The following SGCZ variants were observed in gnomAD, a reference collection of about 807,000 sequenced individuals.
The protein encoded by SGCZ is sarcoglycan zeta.
A neutral mutation model predicts 41.3 loss-of-function variants in SGCZ; 40 were observed. The ratio of observed to expected loss-of-function variants is 0.97; its 90% CI spans 0.75 to 1.26. SGCZ has a LOEUF of 1.26. Ranked by LOEUF, SGCZ falls within the 50% of genes most tolerant of loss-of-function variation. The pLI, the probability that SGCZ is intolerant of heterozygous loss-of-function variation, is 0.00. For missense variants in SGCZ, 552 were observed against 369.8 expected (o/e 1.49, Z -4.04); for synonymous variants, 206 against 137.5 (o/e 1.50, Z -3.49).
intron 1 of SGCZ, among the ~76,000 whole-genome samples, chr8:14,568,419 T>C (rs1241893462): frequency 7.2e-6 from 1 of 139,100 alleles, no homozygotes. Flanking sequence ...ATTGATCGTT[T>C]TGAAAAAAAA....
intron 4 of SGCZ, among the ~76,000 whole-genome samples, chr8:14,187,242 G>A (rs1023790348): frequency 6.6e-6 from 1 of 152,054 alleles, no homozygotes; most frequent in African/African-American, 2.4e-5. Context: ...ATCCAGAGTT[G>A]GGATTATCCA....
intron 2 of SGCZ, among the ~76,000 whole-genome samples, chr8:14,441,945 T>G (rs754958044): frequency 6.6e-6 from 1 of 152,222 alleles, no homozygotes; most frequent in Non-Finnish European, 1.5e-5. Flanking sequence ...TTCTGACGTA[T>G]CTAAATTGTT....
At chr8:15,185,898 G>T (rs779387240) in intron 1 of SGCZ, among the ~76,000 whole-genome samples, 6 of 151,680 alleles carry the variant, frequency 4.0e-5, no homozygotes, top group African/African-American at 1.5e-4. Context: ...TTAAAGCAAA[G>T]TCCAAAATAA....
At chr8:14,414,205 CAT>C (rs1223780767) in intron 2 of SGCZ, among the ~76,000 whole-genome samples, 4 of 151,872 alleles carry the variant, frequency 2.6e-5, no homozygotes, top group African/African-American at 2.4e-5. Context: ...CACACACACA[CAT>C]ACAGACACGC....
intron 1 of SGCZ, among the ~76,000 whole-genome samples, chr8:14,835,283 C>A (rs1278651202): frequency 6.6e-6 from 1 of 152,094 alleles, no homozygotes; most frequent in Non-Finnish European, 1.5e-5. Flanking sequence ...ACTAACCTGA[C>A]CTATTATACT....
At chr8:14,219,508 G>A (rs1016649788) in intron 4 of SGCZ, among the ~76,000 whole-genome samples, 3 of 152,176 alleles carry the variant, frequency 2.0e-5, no homozygotes, top group Admixed American at 2.0e-4. Flanking sequence ...CAGCACTTTG[G>A]GAAGCGGAAG....
At chr8:14,664,077 T>G (rs1185423249) in intron 1 of SGCZ, among the ~76,000 whole-genome samples, 1 of 152,214 alleles carries the variant, frequency 6.6e-6, no homozygotes, top group Non-Finnish European at 1.5e-5. Context: ...TGTATTTTCA[T>G]GCTTAGATGT....
At chr8:14,661,271 G>A (rs910194828) in intron 1 of SGCZ, among the ~76,000 whole-genome samples, 3 of 152,032 alleles carry the variant, frequency 2.0e-5, no homozygotes, top group Admixed American at 6.6e-5. Context: ...AATATTAAGC[G>A]ATAAGCAAGA....
At chr8:14,311,460 T>C (rs1338784032) in intron 3 of SGCZ, among the ~76,000 whole-genome samples, 2 of 152,096 alleles carry the variant, frequency 1.3e-5, no homozygotes, top group East Asian at 1.9e-4. Context: ...TTTACACAGA[T>C]AGGAACACAA....
intron 2 of SGCZ, among the ~76,000 whole-genome samples, chr8:14,327,932 T>A (rs1408047396): frequency 6.6e-6 from 1 of 152,108 alleles, no homozygotes; most frequent in Non-Finnish European, 1.5e-5. Context: ...AGGTGTGCAC[T>A]GCCACGCCCA....
chr8:14,301,447 C>G (rs571571122), intron 3 of SGCZ, among the ~76,000 whole-genome samples: 1 of 151,970 alleles, frequency 6.6e-6, no homozygotes, highest in Non-Finnish European at 1.5e-5. Flanking sequence ...CTGTTTTACA[C>G]TCAGATTCAC....
At chr8:14,460,067 C>G (rs1800858739) in intron 2 of SGCZ, among the ~76,000 whole-genome samples, 1 of 152,062 alleles carries the variant, frequency 6.6e-6, no homozygotes, top group Admixed American at 6.6e-5. Context: ...TGGTCAACAG[C>G]ATAGTACCTA....
chr8:14,980,689 T>C (rs942028301), intron 1 of SGCZ, among the ~76,000 whole-genome samples: 2 of 152,142 alleles, frequency 1.3e-5, no homozygotes, highest in African/African-American at 4.8e-5. Flanking sequence ...ATGAGACTTA[T>C]TCACCACCAT....
At position 15,219,054 on chromosome 8, in the gene SGCZ, T is replaced by A. The variant is rs575785973; in HGVS notation, c.39+18531A>T. Among the ~76,000 whole-genome samples, 14 of 152,294 alleles carry A rather than the reference T, an allele frequency of 9.2e-5. No homozygotes were observed. In the East Asian group the frequency reaches 2.7e-3, roughly 29 times the overall value. ...CGCTGTAAATCGTTTTACCCTGCAC[T>A]CTCCACGATTAGGAAGATAAAGAGC... On this transcript the variant is annotated intron_variant, in intron 1 of 7. Coordinates refer to ENST00000382080, the MANE Select transcript of SGCZ (RefSeq NM_139167.4).
intron 1 of SGCZ, among the ~76,000 whole-genome samples, chr8:14,843,154 G>A (rs1016052548): frequency 1.3e-5 from 2 of 152,188 alleles, no homozygotes; most frequent in African/African-American, 4.8e-5. Flanking sequence ...GGAGGTTGCA[G>A]TGAGCTGAGA....
intron 3 of SGCZ, among the ~76,000 whole-genome samples, chr8:14,289,369 C>G (rs185799549): frequency 1.3e-5 from 2 of 151,510 alleles, no homozygotes; most frequent in Admixed American, 6.6e-5. Context: ...GAATTAATAC[C>G]CCTATATTTT....
At chr8:14,418,666 T>C (rs1024320107) in intron 2 of SGCZ, among the ~76,000 whole-genome samples, 3 of 151,982 alleles carry the variant, frequency 2.0e-5, no homozygotes, top group Non-Finnish European at 4.4e-5. Context: ...ACTAAATATT[T>C]AGATACTTTT....
chr8:14,902,475 A>T (rs1395494061), intron 1 of SGCZ, among the ~76,000 whole-genome samples: 1 of 152,146 alleles, frequency 6.6e-6, no homozygotes, highest in Non-Finnish European at 1.5e-5. Flanking sequence ...AAAATCAAGC[A>T]TCAGAAACTA....
chr8:14,852,597 G>C (rs561195636), intron 1 of SGCZ, among the ~76,000 whole-genome samples: 1 of 152,278 alleles, frequency 6.6e-6, no homozygotes, highest in South Asian at 2.1e-4. Flanking sequence ...TTTCACCTCA[G>C]TTGAACAATT....
Sources: gnomAD v4.1 joint callset for allele counts (sites outside exome capture counted in the v4.1 genomes callset) on GRCh38, gnomAD v4.1.1 for gene constraint, MANE v1.5 for transcripts, NCBI Gene and HGNC (gene_info 2026-07-23, HGNC 2026-07-21) for gene names.